LARGE1: variants seen among roughly 807,000 people sequenced by gnomAD.
The protein encoded by LARGE1 is LARGE xylosyl- and glucuronyltransferase 1.
LARGE1 carries 43 observed loss-of-function variants against 87.6 expected under a neutral mutation model. The ratio of observed to expected loss-of-function variants is 0.49; its 90% CI spans 0.38 to 0.63. The LOEUF is 0.63. LARGE1 is among the 30% of genes least tolerant of loss of function. LARGE1 has a pLI of 0.00. For missense variants in LARGE1, 802 were observed against 1,000.2 expected (o/e 0.80, Z 2.67); for synonymous variants, 434 against 394.6 (o/e 1.10, Z -1.18).
chr22:33,475,100 C>T (rs2069014588), intron 6 of LARGE1, among the ~76,000 whole-genome samples: 1 of 152,114 alleles, frequency 6.6e-6, no homozygotes, highest in Non-Finnish European at 1.5e-5. Flanking sequence ...GCATAGTCTA[C>T]TCACTGGAAC....
intron 11 of LARGE1, among the ~76,000 whole-genome samples, chr22:33,241,568 ATATATGTGTG>A (rs1048584963): frequency 6.1e-5 from 9 of 146,550 alleles, no homozygotes; most frequent in South Asian, 2.1e-4. Context: ...ATATATGTGT[ATATATGTGTG>A]TATATGTGTG....
intron 3 of LARGE1, among the ~76,000 whole-genome samples, chr22:33,627,887 G>T (rs1366634468): frequency 6.6e-6 from 1 of 152,138 alleles, no homozygotes; most frequent in Admixed American, 6.5e-5. Flanking sequence ...AGGACTCAGA[G>T]CCTCACATCA....
At chr22:33,780,071 T>C (rs1315206348) in intron 1 of LARGE1, among the ~76,000 whole-genome samples, 1 of 152,160 alleles carries the variant, frequency 6.6e-6, no homozygotes, top group African/African-American at 2.4e-5. Flanking sequence ...GCCTCTCTCC[T>C]AGCTCCTGGT....
intron 7 of LARGE1, among the ~76,000 whole-genome samples, chr22:33,425,540 A>G (rs1013964607): frequency 6.6e-6 from 1 of 152,196 alleles, no homozygotes; most frequent in Non-Finnish European, 1.5e-5. Context: ...AACCTACAGT[A>G]CAAAAGAAAG....
At position 33,597,145 on chromosome 22, in the gene LARGE1, G is replaced by T. The variant is rs923423277; in HGVS notation, c.615+7290C>A. Among the ~76,000 whole-genome samples the T allele has an allele frequency of 5.9e-5, 9 of 152,172 alleles. No individual in the cohort carries two copies. The South Asian group carries it at 8.3e-4, about 14-fold the overall frequency. On this transcript the variant is annotated intron_variant, in intron 5 of 14. Transcript: ENST00000397394. The stretch of plus-strand genomic sequence containing the variant: ...TGAAGTTCAACCATTGTTAAGTGTG[G>T]TCCCCACTGAACTATAAACCAGGCC...
intron 11 of LARGE1, among the ~76,000 whole-genome samples, chr22:33,219,822 C>T (rs1477313634): frequency 1.3e-5 from 2 of 152,228 alleles, no homozygotes; most frequent in African/African-American, 2.4e-5. Context: ...AGCCTGCCCA[C>T]GGAGCAGGTA....
At chr22:33,397,724 G>A (rs2065797437) in intron 7 of LARGE1, among the ~76,000 whole-genome samples, 2 of 152,202 alleles carry the variant, frequency 1.3e-5, no homozygotes, top group Admixed American at 1.3e-4. Flanking sequence ...CATTGAGTGT[G>A]CATGTGCTCA....
At chr22:33,833,845 G>A (rs970896660) in intron 1 of LARGE1, among the ~76,000 whole-genome samples, 1 of 151,932 alleles carries the variant, frequency 6.6e-6, no homozygotes, top group Non-Finnish European at 1.5e-5. Context: ...GCGCCACCAC[G>A]CCTGGCTAAT....
At chr22:33,749,318 T>TG (rs2084223684) in intron 2 of LARGE1, among the ~76,000 whole-genome samples, 2 of 152,194 alleles carry the variant, frequency 1.3e-5, no homozygotes, top group Non-Finnish European at 2.9e-5. Context: ...TTCTCCATGT[T>TG]GGTCAGGCTG....
intron 1 of LARGE1, among the ~76,000 whole-genome samples, chr22:33,854,661 G>C (rs2063705452): frequency 7.0e-6 from 1 of 143,414 alleles, no homozygotes; most frequent in Non-Finnish European, 1.5e-5. Flanking sequence ...TTCTCCCCAA[G>C]TGTCTCCAGT....
At chr22:33,073,574 A>G in the LARGE1 span, among the ~76,000 whole-genome samples, 1 of 152,068 alleles carries the variant, frequency 6.6e-6, no homozygotes, top group African/African-American at 2.4e-5. Context: ...CCCCTCATAA[A>G]GTCTCCTCCA....
chr22:33,744,034 G>C (rs2283938), intron 2 of LARGE1: 33,308 of 152,132 alleles, frequency 0.22, 4,927 homozygotes, highest in African/African-American at 0.43. Context: ...TCCAGTCCAA[G>C]TGCGTGCAAA....
chr22:33,521,146 C>T (rs190149982), intron 6 of LARGE1, among the ~76,000 whole-genome samples: 140 of 152,336 alleles, frequency 9.2e-4, no homozygotes, highest in African/African-American at 3.3e-3. Flanking sequence ...AAAAAGAGAA[C>T]ACAGTGAAGA....
chr22:33,745,605 C>T (rs1028137559), intron 2 of LARGE1, among the ~76,000 whole-genome samples: 1 of 152,142 alleles, frequency 6.6e-6, no homozygotes, highest in Non-Finnish European at 1.5e-5. Flanking sequence ...AGCGTTAACT[C>T]ACAGATACAG....
chr22:33,428,056 G>T (rs986606892), intron 7 of LARGE1, among the ~76,000 whole-genome samples: 3 of 152,176 alleles, frequency 2.0e-5, no homozygotes, highest in Admixed American at 6.5e-5. Context: ...CTAGGTAGCT[G>T]GATTACACCT....
intron 1 of LARGE1, among the ~76,000 whole-genome samples, chr22:33,872,693 T>C (rs1368424646): frequency 6.6e-6 from 1 of 152,064 alleles, no homozygotes; most frequent in Middle Eastern, 3.2e-3. Flanking sequence ...ACTGAGTGAA[T>C]TTGGAGCACG....
chr22:33,642,460 T>A (rs565689190), intron 3 of LARGE1, among the ~76,000 whole-genome samples: 25 of 152,018 alleles, frequency 1.6e-4, no homozygotes, highest in Non-Finnish European at 3.1e-4. Context: ...AATGACATTA[T>A]GAAGAAACTG....
intron 6 of LARGE1, among the ~76,000 whole-genome samples, chr22:33,480,134 G>A (rs368597728): frequency 3.3e-5 from 5 of 152,124 alleles, no homozygotes; most frequent in Admixed American, 3.3e-4. Flanking sequence ...TCAAAGCAAC[G>A]GTGCCTAAAC....
intron 6 of LARGE1, among the ~76,000 whole-genome samples, chr22:33,513,411 T>C (rs781300107): frequency 6.6e-6 from 1 of 152,196 alleles, no homozygotes; most frequent in Non-Finnish European, 1.5e-5. Flanking sequence ...CAGTGCATTA[T>C]TGAGCATACA....
Sources: gnomAD v4.1 joint callset for allele counts (sites outside exome capture counted in the v4.1 genomes callset) on GRCh38, gnomAD v4.1.1 for gene constraint, MANE v1.5 for transcripts, NCBI Gene and HGNC (gene_info 2026-07-23, HGNC 2026-07-21) for gene names.